The following EBF1 variants were observed in gnomAD, a reference collection of about 807,000 sequenced individuals.
EBF1 encodes the protein transcription factor COE1.
A neutral mutation model predicts 68.4 loss-of-function variants in EBF1; 10 were observed. The ratio of observed to expected loss-of-function variants is 0.15; its 90% confidence interval spans 0.09 to 0.25. The LOEUF is 0.25. Among genes scored for constraint, EBF1 ranks in the 10% least tolerant of loss-of-function variants. The probability of loss-of-function intolerance (pLI) is 1.00; values close to 1 mark genes in which losing one functional copy is unlikely to be tolerated. For synonymous variants in EBF1, 298 were observed against 299.8 expected, an observed-to-expected ratio of 0.99 and a Z score of 0.06; for missense variants, 509 against 794.4, an observed-to-expected ratio of 0.64 and a Z score of 4.32.
intron 5 of EBF1, chr5:159,073,709 A>G: frequency 2.0e-6 from 1 of 510,596 alleles, no homozygotes. Context: ...GCCAAGACTC[A>G]GAACCCCAAG....
At chr5:158,843,918 G>A (rs553715437) in intron 6 of EBF1, among the ~76,000 whole-genome samples, 19 of 152,262 alleles carry the variant, frequency 1.2e-4, no homozygotes, top group African/African-American at 2.4e-4. Flanking sequence ...GCTGGCCTAC[G>A]GAGAAGATCT....
At chr5:159,026,042 A>G (rs1042347649) in intron 6 of EBF1, among the ~76,000 whole-genome samples, 6 of 152,240 alleles carry the variant, frequency 3.9e-5, no homozygotes, top group Admixed American at 2.0e-4. Flanking sequence ...GAAATAGAGC[A>G]TGGTGGGAGA....
chr5:159,042,586 CTGTGTGTG>C (rs112231991), intron 6 of EBF1, among the ~76,000 whole-genome samples: 48 of 148,636 alleles, frequency 3.2e-4, no homozygotes, highest in African/African-American at 1.1e-3. Flanking sequence ...AATTCTTTGC[CTGTGTGTG>C]TGTGTGTGTG....
intron 6 of EBF1, among the ~76,000 whole-genome samples, chr5:158,878,371 A>G (rs1422335208): frequency 6.6e-6 from 1 of 152,158 alleles, no homozygotes; most frequent in Admixed American, 6.5e-5. Flanking sequence ...CCATTTCTCT[A>G]AAAGTATCTC....
chr5:159,065,464 T>C (rs551564481), intron 6 of EBF1, among the ~76,000 whole-genome samples: 114 of 152,270 alleles, frequency 7.5e-4, no homozygotes, highest in African/African-American at 2.7e-3. Flanking sequence ...AATTTTCAAT[T>C]CATCAATTAA....
rs1161076159 is a variant in EBF1, at chr5:158,705,427, A to T, written c.1744+2552T>A. On this transcript the variant is annotated intron_variant, in intron 15 of 15. Coordinates refer to ENST00000313708, the MANE Select transcript of EBF1 (RefSeq NM_024007.5). ...GAATCCAGCACAAGGTGTGTCCCTG[A>T]ATCAGACCTCAAACCTCCCACACTG... 3.3e-5 allele frequency among the ~76,000 whole-genome samples: 5 copies of T among 152,196 alleles called. No individual in the cohort carries two copies. The East Asian group carries it at 9.6e-4, about 29-fold the overall frequency.
At chr5:159,094,826 T>G (rs1197490027) in intron 4 of EBF1, among the ~76,000 whole-genome samples, 1 of 152,154 alleles carries the variant, frequency 6.6e-6, no homozygotes, top group Non-Finnish European at 1.5e-5. Flanking sequence ...GAAACTAAAC[T>G]TTTTCTTAAA....
chr5:159,072,652 A>G (rs1036555563), intron 6 of EBF1, among the ~76,000 whole-genome samples: 14 of 152,224 alleles, frequency 9.2e-5, no homozygotes, highest in African/African-American at 3.4e-4. Flanking sequence ...GGTTTATCAT[A>G]CATGTTTCCA....
Position 159,041,341 on chromosome 5 carries a change from T to C in EBF1, c.554+32055A>G, listed in dbSNP as rs1771162798. 3.9e-5 allele frequency among the ~76,000 whole-genome samples: 6 copies of C among 152,364 alleles called. No individual in the cohort carries two copies. The South Asian group carries it at 1.2e-3, about 32-fold the overall frequency. On this transcript the variant is annotated intron_variant, in intron 6 of 15. Coordinates refer to ENST00000313708, the MANE Select transcript of EBF1 (RefSeq NM_024007.5). ...GCAGATTCTCAGAGGAATAGGTTTT[T>C]CATGAAGTAGAAATCTTTTAGATCA...
intron 15 of EBF1, among the ~76,000 whole-genome samples, chr5:158,705,337 A>C (rs564408804): frequency 7.2e-5 from 11 of 152,300 alleles, no homozygotes; most frequent in Non-Finnish European, 1.5e-4. Context: ...GATAGGGGAA[A>C]ATCCAAAAAA....
chr5:158,713,206 A>G lies in EBF1; in HGVS notation c.1192-59T>C, dbSNP rs572150945. ...CCCCAGTCATATTCCCAATAATACCATTTTTTCGGTGCCAGGTACCGTGCT... is the reference window on the plus strand; with the variant it reads ...CCCCAGTCATATTCCCAATAATACCGTTTTTTCGGTGCCAGGTACCGTGCT... On this transcript the variant is annotated intron_variant, in intron 12 of 15. Transcript: ENST00000313708. 2.4e-5 allele frequency: 31 copies of G among 1,313,138 alleles called. No homozygotes were observed. The East Asian group carries it at 7.9e-4, about 34-fold the overall frequency. 81.3% of individuals were successfully genotyped at this position (1,313,138 alleles called of 1,614,324 possible).
intron 6 of EBF1, among the ~76,000 whole-genome samples, chr5:158,849,361 C>T (rs1792164433): frequency 6.6e-6 from 1 of 152,190 alleles, no homozygotes. Context: ...CCTGCCTTCA[C>T]CATAGGCTGC....
chr5:159,003,823 T>C (rs1336934343), intron 6 of EBF1, among the ~76,000 whole-genome samples: 1 of 152,204 alleles, frequency 6.6e-6, no homozygotes, highest in African/African-American at 2.4e-5. Context: ...AAGATGGAGC[T>C]AAGATTACAC....
At chr5:158,792,337 C>A (rs1324268175) in intron 9 of EBF1, among the ~76,000 whole-genome samples, 2 of 152,176 alleles carry the variant, frequency 1.3e-5, no homozygotes, top group Non-Finnish European at 2.9e-5. Context: ...GAAGGCAGAG[C>A]TGAGTTAGGA....
chr5:158,731,356 G>A (rs921012466), intron 10 of EBF1, among the ~76,000 whole-genome samples, 199 bp from the exon 11 acceptor site: 7 of 152,164 alleles, frequency 4.6e-5, no homozygotes, highest in East Asian at 1.9e-4. Context: ...GGAGTGACCC[G>A]CCCAAAAGAA....
chr5:158,950,283 T>G (rs1219132915), intron 6 of EBF1, among the ~76,000 whole-genome samples: 2 of 152,242 alleles, frequency 1.3e-5, no homozygotes, highest in East Asian at 1.9e-4. Context: ...CCTAAGTGAA[T>G]GTACCCAAGA....
chr5:159,010,687 T>C (rs1451246838), intron 6 of EBF1, among the ~76,000 whole-genome samples: 1 of 152,256 alleles, frequency 6.6e-6, no homozygotes, highest in Non-Finnish European at 1.5e-5. Flanking sequence ...AGAATTGTCC[T>C]GCCTGATTTA....
At chr5:158,730,246 C>T in intron 11 of EBF1, among the ~76,000 whole-genome samples, 1 of 152,226 alleles carries the variant, frequency 6.6e-6, no homozygotes, top group East Asian at 1.9e-4. Flanking sequence ...TCGCATTTAA[C>T]TGCCCTCTCC....
chr5:159,032,438 A>G (rs1212916989), intron 6 of EBF1, among the ~76,000 whole-genome samples: 1 of 152,256 alleles, frequency 6.6e-6, no homozygotes, highest in Non-Finnish European at 1.5e-5. Flanking sequence ...TTAGAAATCA[A>G]GACACGCCAC....
Sources: gnomAD v4.1 joint callset for allele counts (sites outside exome capture counted in the v4.1 genomes callset) on GRCh38, gnomAD v4.1.1 for gene constraint, MANE v1.5 for transcripts, NCBI Gene and HGNC (gene_info 2026-07-23, HGNC 2026-07-21) for gene names.